The following SLC9A7 variants were observed in gnomAD, a reference collection of about 807,000 sequenced individuals.
SLC9A7 encodes sodium/hydrogen exchanger 7.
Under a neutral mutation model 52.6 loss-of-function variants are expected in SLC9A7, and 19 were observed. The ratio of observed to expected loss-of-function variants is 0.36; its 90% confidence interval spans 0.25 to 0.53. The LOEUF (loss-of-function observed/expected upper bound fraction) is 0.53. Ranked by LOEUF, SLC9A7 falls within the 20% of genes least tolerant of loss-of-function variation. The pLI is 0.91. For synonymous variants in SLC9A7, 226 were observed against 252.1 expected (o/e 0.90, Z 0.98); for missense variants, 455 against 597.9 (o/e 0.76, Z 2.49).
At chrX:46,712,292 C>T (rs1209808255) in intron 1 of SLC9A7, among the ~76,000 whole-genome samples, 1 of 111,664 alleles carries the variant, frequency 9.0e-6, no homozygotes, top group East Asian at 2.8e-4. Context: ...GTGTCCACAT[C>T]TGTCTCTGAG....
chrX:46,647,328 G>A (rs1943510180), intron 11 of SLC9A7: 1 of 147,106 alleles, frequency 6.8e-6, no homozygotes, highest in Admixed American at 7.3e-5. Context: ...GCTGGTAGGC[G>A]GCAGTGGTGG....
At chrX:46,655,151 AT>A (rs1182019064) in intron 7 of SLC9A7, among the ~76,000 whole-genome samples, 3 of 108,446 alleles carry the variant, frequency 2.8e-5, no homozygotes, top group Non-Finnish European at 3.8e-5. Flanking sequence ...CACCTGGCTA[AT>A]TTTTGTATTT....
intron 1 of SLC9A7, among the ~76,000 whole-genome samples, chrX:46,749,583 A>C (rs922449608): frequency 5.4e-5 from 6 of 111,632 alleles, no homozygotes; most frequent in Non-Finnish European, 9.4e-5. Context: ...TTTCCCCTAA[A>C]ACACTGGTAG....
At chrX:46,636,639 T>TAA (rs1159431920) in intron 12 of SLC9A7, among the ~76,000 whole-genome samples, 1 of 102,621 alleles carries the variant, frequency 9.7e-6, no homozygotes, top group African/African-American at 3.5e-5. Flanking sequence ...TCTTGTAGGT[T>TAA]AAAAAAAAAA....
At chrX:46,707,341 A>T (rs1944619717) in intron 1 of SLC9A7, among the ~76,000 whole-genome samples, 1 of 112,322 alleles carries the variant, frequency 8.9e-6, no homozygotes, top group Admixed American at 9.4e-5. Context: ...TAAGGATCTG[A>T]CTAGTAAGTG....
intron 5 of SLC9A7, among the ~76,000 whole-genome samples, chrX:46,663,976 A>G (rs1174502877): frequency 1.8e-5 from 2 of 111,943 alleles, no homozygotes; most frequent in Non-Finnish European, 3.8e-5. Context: ...AAGATTAATT[A>G]GATTTTATAA....
Position 46,607,145 on chromosome X carries a change from G to A in SLC9A7, c.1988C>T (p.Thr663Ile). The A allele has an allele frequency of 8.3e-7, 1 of 1,211,169 alleles. No individual in the cohort carries two copies. The highest frequency in any genetic ancestry group is 1.1e-6 in the Non-Finnish European group (1 of 895,241). The part of the protein sequence containing the change: ...SDFILTEGDL[T>I]LTYGDSTVTA... Reference sequence around the variant, plus strand: ...CACTGTGCTGTCCCCGTAGGTCAATGTCAGGTCGCCTTCGGTCAGGATGAA... The same window carrying A: ...CACTGTGCTGTCCCCGTAGGTCAATATCAGGTCGCCTTCGGTCAGGATGAA... Residue 663 changes from threonine to isoleucine, a missense_variant, in exon 17 of 17, where the codon ACA becomes ATA. Transcript: ENST00000616978.
In SLC9A7 at chrX:46,606,513, C is replaced by T. The variant is rs1396663091; in HGVS notation, c.*439G>A. 27 of 762,435 alleles carry T rather than the reference C, an allele frequency of 3.5e-5. No homozygotes were observed. Among genetic ancestry groups the T allele is most frequent in the Non-Finnish European group, 4.2e-5 (27 of 645,214 alleles). 62.8% of individuals were successfully genotyped at this position (762,435 alleles called of 1,213,427 possible). ...AAGTTTCCCATAATCCTTGGAGTTC[C>T]GATCTCAATTGCCTTCCTTCTCTTT... On this transcript the variant is annotated 3_prime_UTR_variant, in exon 17 of 17. Coordinates refer to ENST00000616978, the MANE Select transcript of SLC9A7 (RefSeq NM_001257291.2).
intron 14 of SLC9A7, among the ~76,000 whole-genome samples, chrX:46,628,880 C>T (rs1943178908): frequency 8.9e-6 from 1 of 112,332 alleles, no homozygotes; most frequent in Non-Finnish European, 1.9e-5. Flanking sequence ...CTCATGGCCA[C>T]AGAGTGCACT....
At chrX:46,620,904 C>T (rs749245589) in intron 15 of SLC9A7, 73 bp downstream of exon 15, 61 of 749,683 alleles carry the variant, frequency 8.1e-5, no homozygotes, top group Non-Finnish European at 1.2e-4. Context: ...TATCAGGTGT[C>T]ATTCACCGAC....
intron 1 of SLC9A7, among the ~76,000 whole-genome samples, chrX:46,742,654 T>C (rs1921441774): frequency 8.9e-6 from 1 of 112,497 alleles, no homozygotes. Flanking sequence ...ATCTTGGTTG[T>C]GGTGGTGGTT....
At chrX:46,730,541 T>A (rs1667390179) in intron 1 of SLC9A7, among the ~76,000 whole-genome samples, 1 of 102,614 alleles carries the variant, frequency 9.7e-6, no homozygotes, top group African/African-American at 3.5e-5. Context: ...ATGCCTGTAG[T>A]CCCAGCTACT....
chrX:46,709,683 A>C (rs1944659470), intron 1 of SLC9A7, among the ~76,000 whole-genome samples: 1 of 112,441 alleles, frequency 8.9e-6, no homozygotes, highest in African/African-American at 3.2e-5. Context: ...AACAGCATAC[A>C]ACAATTGCTA....
chrX:46,692,614 C>A (rs2044369390), intron 1 of SLC9A7, among the ~76,000 whole-genome samples: 2 of 111,465 alleles, frequency 1.8e-5, no homozygotes, highest in Admixed American at 9.6e-5. Flanking sequence ...TCTTGGGGAA[C>A]CAATTAAAGT....
chrX:46,640,090 T>C (rs775964740), intron 12 of SLC9A7, among the ~76,000 whole-genome samples: 1 of 111,837 alleles, frequency 8.9e-6, no homozygotes, highest in East Asian at 2.8e-4. Flanking sequence ...TGTAGACAAA[T>C]TTATTCCAAA....
chrX:46,721,226 T>C (rs1334145855), intron 1 of SLC9A7, among the ~76,000 whole-genome samples: 1 of 112,136 alleles, frequency 8.9e-6, no homozygotes, highest in African/African-American at 3.2e-5. Context: ...AGTGTTCCAA[T>C]AGGTATGGTT....
Position 46,730,691 on chromosome X carries a change from T to G in SLC9A7, c.325+28014A>C, listed in dbSNP as rs1311430261. Among the ~76,000 whole-genome samples, 20 of 72,455 alleles carry G rather than the reference T, an allele frequency of 2.8e-4. 1 individual carries two copies. The highest frequency in any genetic ancestry group is 9.1e-4 in the African/African-American group (19 of 20,948). The allele number at this position is 72,455 out of a possible 115,157, so 62.9% of individuals were successfully genotyped here. A position where few individuals can be genotyped will look rare whatever the true frequency, so the allele number is the denominator to read the frequency against. ...AAAATTATATATATATATATATATA[T>G]ATATATATATATATATATAAAATGG... On this transcript the variant is annotated intron_variant, in intron 1 of 16. Coordinates refer to ENST00000616978, the MANE Select transcript of SLC9A7 (RefSeq NM_001257291.2).
intron 1 of SLC9A7, among the ~76,000 whole-genome samples, chrX:46,711,282 C>T (rs1440642034): frequency 8.9e-6 from 1 of 112,788 alleles, no homozygotes; most frequent in Admixed American, 9.4e-5. Context: ...AATCCAATCA[C>T]TTCATATGGG....
chrX:46,624,362 G>A (rs1361660099), intron 14 of SLC9A7, among the ~76,000 whole-genome samples: 3 of 112,183 alleles, frequency 2.7e-5, no homozygotes, highest in African/African-American at 9.7e-5. Flanking sequence ...CTCCAGGTAC[G>A]TAGTGAGTTA....
Sources: gnomAD v4.1 joint callset for allele counts (sites outside exome capture counted in the v4.1 genomes callset) on GRCh38, gnomAD v4.1.1 for gene constraint, MANE v1.5 for transcripts, NCBI Gene and HGNC (gene_info 2026-07-23, HGNC 2026-07-21) for gene names.